Variants in NIN observed in about 807,000 individuals in gnomAD.
NIN encodes ninein.
A neutral mutation model predicts 257.6 loss-of-function variants in NIN; 137 were observed. That is an observed-to-expected ratio of 0.53 (90% confidence interval 0.46 to 0.61). NIN has a LOEUF of 0.61. Ranked by LOEUF, NIN falls within the 20% of genes least tolerant of loss-of-function variation. The pLI, the probability that NIN is intolerant of heterozygous loss-of-function variation, is 0.00. For synonymous variants in NIN, 918 were observed against 919.8 expected (o/e 1.00, Z 0.04); for missense variants, 2,439 against 2,501.2 (o/e 0.98, Z 0.53).
chr14:50,722,626 C>T lies in NIN; in HGVS notation c.*837G>A. 1 of 214,640 alleles carries T rather than the reference C, an allele frequency of 4.7e-6. No homozygotes were observed. Among genetic ancestry groups the T allele is most frequent in the Non-Finnish European group, 9.4e-6 (1 of 105,874 alleles). 13.3% of individuals were successfully genotyped at this position (214,640 alleles called of 1,614,324 possible). On this transcript the variant is annotated 3_prime_UTR_variant, in exon 31 of 31. Coordinates refer to ENST00000530997, the MANE Select transcript of NIN (RefSeq NM_020921.4). ...TAAGATTTGAGAGACAGAAAACCTA[C>T]ATGGTCTGCTTATCCCTCTTTTCTA...
In NIN at chr14:50,739,460, G is replaced by A. The variant is rs150751601; in HGVS notation, c.5476C>T (p.Pro1826Ser). The A allele has an allele frequency of 6.2e-7, 1 of 1,614,194 alleles. No homozygotes were observed. Among genetic ancestry groups the A allele is most frequent in the Non-Finnish European group, 8.5e-7 (1 of 1,180,028 alleles). Residue 1826 changes from proline to serine, a missense_variant, in exon 26 of 31, where the codon CCA (proline) becomes TCA (serine). Physicochemically the swap from Pro to Ser is moderately conservative, Grantham distance 74. Coordinates refer to ENST00000530997, the MANE Select transcript of NIN (RefSeq NM_020921.4). Reference protein sequence around the residue: ...KSWAPEIATHPSGLHNQQKRL... With the variant: ...KSWAPEIATHSSGLHNQQKRL... ...TTCTGCTGGTTATGGAGCCCTGATG[G>A]ATGAGTAGCTATCTCTGGGGCCCAG...
chr14:50,730,013 A>C (rs1474613091), intron 28 of NIN, among the ~76,000 whole-genome samples: 1 of 152,024 alleles, frequency 6.6e-6, no homozygotes, highest in African/African-American at 2.4e-5. Flanking sequence ...AATACATGTG[A>C]ATTCTATTTC....
At position 50,766,387 on chromosome 14, in the gene NIN, G is replaced by C. The variant is rs763584906; in HGVS notation, c.1555C>G (p.Leu519Val). ...AAGAACTCAGCACTGCTAGGATCGA[G>C]GTCACCAAACTAGAAGGGGAAAAGG... ...ENVLAEKFGD[L>V]DPSSAEFFLQ... Residue 519 changes from leucine to valine, a missense_variant, in exon 14 of 31, where the codon CTC becomes GTC. Leu to Val is a conservative substitution (Grantham distance 32). This residue lies in a region of NIN where 2,043 missense variants were observed against 2,050.2 expected (regional missense o/e 1.00). Coordinates refer to ENST00000530997, the MANE Select transcript of NIN (RefSeq NM_020921.4). The C allele has an allele frequency of 6.4e-5, 103 of 1,614,114 alleles. No individual in the cohort carries two copies. Among genetic ancestry groups the C allele is most frequent in the Non-Finnish European group, 8.4e-5 (99 of 1,179,988 alleles).
chr14:50,823,649 C>T (rs1419929848), intron 2 of NIN: 1 of 160,228 alleles, frequency 6.2e-6, no homozygotes, highest in Non-Finnish European at 1.4e-5. Context: ...ACAGCTCTGC[C>T]ATACAGCTCA....
chr14:50,784,941 C>T (rs972917421), intron 5 of NIN, among the ~76,000 whole-genome samples: 1 of 152,208 alleles, frequency 6.6e-6, no homozygotes, highest in Non-Finnish European at 1.5e-5. Flanking sequence ...CCAACAGCCC[C>T]ATTGAGAGTA....
At position 50,734,086 on chromosome 14, in the gene NIN, ATT is replaced by A. The variant is rs200910856; in HGVS notation, c.5877+1428_5877+1429del. Among the ~76,000 whole-genome samples, 609 of 138,312 alleles carry A rather than the reference ATT, an allele frequency of 4.4e-3. 2 individuals carry two copies. Among genetic ancestry groups the A allele is most frequent in the Non-Finnish European group, 6.8e-3 (434 of 63,548 alleles). The allele number at this position is 138,312 out of a possible 152,430, so 90.7% of individuals were successfully genotyped here. On this transcript the variant is annotated intron_variant, in intron 28 of 30. Coordinates refer to ENST00000530997, the MANE Select transcript of NIN (RefSeq NM_020921.4). ...GCTCCATTTCTTCTTTTTCTTCTTT[ATT>A]TTTTTTTTTTTTTCTTTTTGAGATG...
intron 8 of NIN, 127 bp from the exon 9 acceptor site, chr14:50,772,595 A>T: frequency 1.3e-6 from 1 of 797,100 alleles, no homozygotes. Context: ...GAAAAAAGTC[A>T]TGCAGCCTCT....
chr14:50,726,979 T>C (rs931752903), intron 29 of NIN, among the ~76,000 whole-genome samples: 1 of 152,160 alleles, frequency 6.6e-6, no homozygotes, highest in Admixed American at 6.6e-5. Flanking sequence ...CTAAATCATG[T>C]AGTAACTATC....
At chr14:50,779,621 G>A (rs1471229028) in intron 5 of NIN, among the ~76,000 whole-genome samples, 1 of 152,190 alleles carries the variant, frequency 6.6e-6, no homozygotes. Context: ...AGCCAGGCGA[G>A]GTGGCGGGTG....
chr14:50,793,962 T>C (rs1190617714), intron 4 of NIN, among the ~76,000 whole-genome samples: 1 of 152,222 alleles, frequency 6.6e-6, no homozygotes, highest in Non-Finnish European at 1.5e-5. Flanking sequence ...AGAACAGATA[T>C]GTATTCTGTT....
chr14:50,729,681 G>A lies in NIN; in HGVS notation c.5920C>T (p.His1974Tyr), dbSNP rs1193155606. 1.2e-6 allele frequency: 2 copies of A among 1,613,172 alleles called. No homozygotes were observed. Among genetic ancestry groups the A allele is most frequent in the African/African-American group, 1.3e-5 (1 of 74,930 alleles). The part of the protein sequence containing the change: ...RSTATPSPSP[H>Y]AWDLQLLQQQ... ...TGGAGCAGCTGCAAATCCCAAGCAT[G>A]AGGGGACGGGCTAGGCGTCGCAGTG... The change falls in exon 29 of 31, where the codon CAT (histidine) becomes TAT (tyrosine). Residue 1974 changes from histidine to tyrosine, a missense_variant. Around this residue, in one of 3 missense-constraint regions of NIN, gnomAD observed 2,043 missense variants for 2,050.2 expected, o/e 1.00. Coordinates refer to ENST00000530997, the MANE Select transcript of NIN (RefSeq NM_020921.4).
rs532851467 is a variant in NIN, at chr14:50,721,099, C to T, written c.*2364G>A. 11 of 196,748 alleles carry T rather than the reference C, an allele frequency of 5.6e-5. 1 individual carries two copies. The South Asian group carries it at 5.8e-4, about 10-fold the overall frequency. 12.2% of individuals were successfully genotyped at this position (196,748 alleles called of 1,614,324 possible). A position where few individuals can be genotyped will look rare whatever the true frequency, so the allele number is the denominator to read the frequency against. On this transcript the variant is annotated 3_prime_UTR_variant, in exon 31 of 31. Coordinates refer to ENST00000530997, the MANE Select transcript of NIN (RefSeq NM_020921.4). ...CAACTAAATTATAAATTGCCACTCA[C>T]CTTCTCAAAAATTGTTGCACAAATG... is the stretch of plus-strand genomic sequence containing the variant.
intron 3 of NIN, among the ~76,000 whole-genome samples, chr14:50,807,019 A>T (rs1021296210): frequency 3.9e-5 from 6 of 152,220 alleles, no homozygotes; most frequent in Non-Finnish European, 8.8e-5. Context: ...GTAAACATTC[A>T]TATCGATATT....
rs533733709 is a variant in NIN at position 50,750,565 on chromosome 14, G to C, written c.4950+1953C>G. Among the ~76,000 whole-genome samples, 3 of 132,130 alleles carry C rather than the reference G, an allele frequency of 2.3e-5. No homozygotes were observed. In the South Asian group the frequency reaches 6.8e-4, roughly 30 times the overall value. The allele number at this position is 132,130 out of a possible 152,430, so 86.7% of individuals were successfully genotyped here. On this transcript the variant is annotated intron_variant, in intron 21 of 30. Coordinates refer to ENST00000530997, the MANE Select transcript of NIN (RefSeq NM_020921.4). The stretch of plus-strand genomic sequence containing the variant: ...ACTGACTAGATTATCATAGCATGTA[G>C]ATACAGTTCATCTTGTCTTTAGCCT...
intron 4 of NIN, among the ~76,000 whole-genome samples, chr14:50,795,554 C>T (rs528077840): frequency 1.2e-4 from 19 of 152,306 alleles, no homozygotes; most frequent in Admixed American, 1.1e-3. Context: ...CCTTTCTGAC[C>T]ATGCCTAATG....
chr14:50,748,033 C>T lies in NIN; in HGVS notation c.5023G>A (p.Glu1675Lys). The change falls in exon 22 of 31, where the codon GAA (glutamate) becomes AAA (lysine). Residue 1675 changes from glutamate (E) to lysine (K), a missense_variant. Transcript: ENST00000530997. The stretch of plus-strand genomic sequence containing the variant: ...AGTTCATCTTTGAGAAGGTGGTTTT[C>T]CTGTTGCACAATATGGGTCTGTATT... The part of the protein sequence containing the change: ...VKIQTHIVQQ[E>K]NHLLKDELEK... The T allele has an allele frequency of 1.9e-6, 3 of 1,614,016 alleles. No individual in the cohort carries two copies. Among genetic ancestry groups the T allele is most frequent in the Non-Finnish European group, 2.5e-6 (3 of 1,179,924 alleles).
chr14:50,726,868 G>C (rs984741963), intron 29 of NIN, among the ~76,000 whole-genome samples: 1 of 152,200 alleles, frequency 6.6e-6, no homozygotes, highest in Non-Finnish European at 1.5e-5. Context: ...GCTGATGGTA[G>C]TTAAGATATA....
chr14:50,791,839 A>ACACACACAC (rs1444447292), intron 5 of NIN, among the ~76,000 whole-genome samples: 8 of 152,100 alleles, frequency 5.3e-5, no homozygotes, highest in South Asian at 2.1e-4. Context: ...ACACACACAC[A>ACACACACAC]GAGTCCACTG....
At chr14:50,767,438 C>T (rs118181964) in intron 12 of NIN, among the ~76,000 whole-genome samples, 5,139 of 152,202 alleles carry the variant, frequency 0.034, 88 homozygotes, top group Non-Finnish European at 0.047. Flanking sequence ...ATTCTCAATA[C>T]ATAATATTGA....
Sources: gnomAD v4.1 joint callset for allele counts (sites outside exome capture counted in the v4.1 genomes callset) on GRCh38, gnomAD v4.1.1 for gene constraint, gnomAD v4.1.1 regional missense constraint, MANE v1.5 for transcripts, NCBI Gene and HGNC (gene_info 2026-07-23, HGNC 2026-07-21) for gene names.